The following TULP4 variants were observed in gnomAD, a reference collection of about 807,000 sequenced individuals.
TULP4 encodes TUB like protein 4.
A neutral mutation model predicts 129.0 loss-of-function variants in TULP4; 16 were observed. The observed-to-expected ratio is 0.12, with a 90% CI of 0.08 to 0.19. The LOEUF (loss-of-function observed/expected upper bound fraction) is 0.19. Among genes scored for constraint, TULP4 ranks in the 10% least tolerant of loss-of-function variants. TULP4 has a pLI of 1.00. For synonymous variants in TULP4, 998 were observed against 854.0 expected (o/e 1.17, Z -2.94); for missense variants, 1,842 against 2,059.1 (o/e 0.89, Z 2.04).
chr6:158,412,072 A>G lies in TULP4; in HGVS notation c.253-993A>G, dbSNP rs1475460942. Among the ~76,000 whole-genome samples the G allele has an allele frequency of 4.6e-5, 7 of 152,192 alleles. No homozygotes were observed. The East Asian group carries it at 1.2e-3, about 25-fold the overall frequency. ...AGCTCTTATTTTATTGATATATGTC[A>G]GTATCTAGCTGCATGTCTGGAGGTT... On this transcript the variant is annotated intron_variant, in intron 1 of 13. Transcript: ENST00000367097.
chr6:158,411,583 TTA>T (rs1778101867), intron 1 of TULP4, among the ~76,000 whole-genome samples: 1 of 152,180 alleles, frequency 6.6e-6, no homozygotes, highest in Non-Finnish European at 1.5e-5. Context: ...TCTTCACACT[TTA>T]AGTGGGTAAT....
intron 1 of TULP4, among the ~76,000 whole-genome samples, chr6:158,380,920 A>G (rs1777309104): frequency 7.2e-6 from 1 of 138,852 alleles, no homozygotes; most frequent in African/African-American, 2.7e-5. Flanking sequence ...AAAGAAGAAG[A>G]AGAAGAAAGA....
intron 3 of TULP4, among the ~76,000 whole-genome samples, chr6:158,447,236 C>G (rs906794300): frequency 1.3e-5 from 2 of 152,196 alleles, no homozygotes; most frequent in African/African-American, 2.4e-5. Flanking sequence ...GGTGTCTTGA[C>G]CCTACGCCTG....
At chr6:158,273,743 G>T (rs932048917) in intron 1 of TULP4, among the ~76,000 whole-genome samples, 1 of 152,168 alleles carries the variant, frequency 6.6e-6, no homozygotes. Context: ...CAAATAATCT[G>T]TCTGGTCCTA....
upstream of TULP4, among the ~76,000 whole-genome samples, chr6:158,281,170 C>A (rs910791480): frequency 6.7e-6 from 1 of 150,188 alleles, no homozygotes; most frequent in Non-Finnish European, 1.5e-5. Context: ...GGTATCTCAG[C>A]GAGGTAATTC....
chr6:158,324,296 C>T (rs1779698611), intron 1 of TULP4, among the ~76,000 whole-genome samples: 1 of 152,150 alleles, frequency 6.6e-6, no homozygotes, highest in South Asian at 2.1e-4. Flanking sequence ...TAATTAACGT[C>T]ATTGTCCTGG....
intron 1 of TULP4, among the ~76,000 whole-genome samples, chr6:158,330,113 A>G (rs1269625411): frequency 3.5e-5 from 5 of 142,176 alleles, no homozygotes; most frequent in Non-Finnish European, 7.6e-5. Context: ...TCGATATACA[A>G]ACTACTAATT....
At chr6:158,427,389 A>G (rs1047782702) in intron 2 of TULP4, among the ~76,000 whole-genome samples, 2 of 151,930 alleles carry the variant, frequency 1.3e-5, no homozygotes, top group African/African-American at 4.8e-5. Flanking sequence ...TTGATTTTTA[A>G]AAGGAAAATA....
In TULP4 at chr6:158,506,977, G is replaced by A; in HGVS notation, c.*283G>A. 2.3e-6 allele frequency: 1 copy of A among 433,242 alleles called. No homozygotes were observed. Among genetic ancestry groups the A allele is most frequent in the Non-Finnish European group, 4.2e-6 (1 of 236,696 alleles). The allele number at this position is 433,242 out of a possible 1,614,324, so 26.8% of individuals were successfully genotyped here. On this transcript the variant is annotated 3_prime_UTR_variant, in exon 14 of 14. Transcript: ENST00000367097. ...TGCTGTTCTTTCAGGAAACAGCTTGGCTGTGGTAATGCTCTACTGGGCCCT... is the reference window on the plus strand; with the variant it reads ...TGCTGTTCTTTCAGGAAACAGCTTGACTGTGGTAATGCTCTACTGGGCCCT...
intron 1 of TULP4, among the ~76,000 whole-genome samples, chr6:158,304,599 C>T (rs957267355): frequency 2.6e-5 from 4 of 151,894 alleles, no homozygotes; most frequent in African/African-American, 9.7e-5. Flanking sequence ...TGAATAGTTG[C>T]TTTTTAACCA....
At chr6:158,387,402 C>A (rs1468074858) in intron 1 of TULP4, among the ~76,000 whole-genome samples, 1 of 151,944 alleles carries the variant, frequency 6.6e-6, no homozygotes, top group Non-Finnish European at 1.5e-5. Context: ...TGTACAGTGG[C>A]TGATTAATCT....
intron 8 of TULP4, among the ~76,000 whole-genome samples, chr6:158,487,277 G>T (rs1379256830): frequency 6.6e-6 from 1 of 151,650 alleles, no homozygotes; most frequent in Non-Finnish European, 1.5e-5. Flanking sequence ...AGTAAATAAA[G>T]AAAATACAAA....
chr6:158,385,148 A>G (rs1441378646), intron 1 of TULP4, among the ~76,000 whole-genome samples: 1 of 152,208 alleles, frequency 6.6e-6, no homozygotes, highest in African/African-American at 2.4e-5. Context: ...ACCAAGAAAA[A>G]TAGAAAGAGT....
At chr6:158,260,240 A>G (rs1778326754) in intron 1 of TULP4, among the ~76,000 whole-genome samples, 1 of 152,218 alleles carries the variant, frequency 6.6e-6, no homozygotes, top group African/African-American at 2.4e-5. Context: ...CCTGTCACCC[A>G]GAACATTCTA....
intron 1 of TULP4, among the ~76,000 whole-genome samples, chr6:158,260,796 GA>G (rs1778337815): frequency 6.7e-6 from 1 of 148,498 alleles, no homozygotes; most frequent in East Asian, 2.0e-4. Context: ...GACGCCTGGG[GA>G]AAAGTGTATT....
intron 1 of TULP4, among the ~76,000 whole-genome samples, chr6:158,382,967 C>T (rs1472982513): frequency 6.6e-6 from 1 of 152,112 alleles, no homozygotes; most frequent in Non-Finnish European, 1.5e-5. Context: ...TCCTGAGAGG[C>T]GAATTAGTGC....
chr6:158,488,386 C>T (rs572608777), intron 8 of TULP4, among the ~76,000 whole-genome samples: 1 of 152,332 alleles, frequency 6.6e-6, no homozygotes, highest in South Asian at 2.1e-4. Context: ...ACAAATACCA[C>T]TGTGGCTTCA....
Position 158,502,894 on chromosome 6 carries a change from C to T in TULP4, c.3231C>T (p.Ala1077=). The T allele has an allele frequency of 6.2e-7, 1 of 1,613,980 alleles. No individual in the cohort carries two copies. The highest frequency in any genetic ancestry group is 8.5e-7 in the Non-Finnish European group (1 of 1,180,026). The change falls in exon 13 of 14, where the codon GCC becomes GCT. Residue 1077 remains alanine (A), a synonymous_variant. Coordinates refer to ENST00000367097, the MANE Select transcript of TULP4 (RefSeq NM_020245.5). ...GCCTCCTGAGCCCACCCGACAGCGC[C>T]CGCGACCGCACCGACTACGTCAACT... ...SYSLLSPPDS[A]RDRTDYVNSA... is the part of the protein sequence containing the mutation.
intron 1 of TULP4, among the ~76,000 whole-genome samples, chr6:158,349,900 T>G (rs1583782044): frequency 1.5e-5 from 1 of 68,486 alleles, no homozygotes; most frequent in African/African-American, 5.9e-5. Context: ...ACCTCCTAGG[T>G]GGGGCGGCCG....
Sources: allele counts gnomAD v4.1 joint callset (sites outside exome capture counted in the v4.1 genomes callset), GRCh38; gene constraint gnomAD v4.1.1; transcripts MANE v1.5; gene names NCBI Gene and HGNC (gene_info 2026-07-23, HGNC 2026-07-21).